SLC30A5: variants seen among roughly 807,000 people sequenced by gnomAD.
SLC30A5 encodes proton-coupled zinc antiporter SLC30A5.
Under a neutral mutation model 79.6 loss-of-function variants are expected in SLC30A5, and 33 were observed. The ratio of observed to expected loss-of-function variants is 0.41; its 90% CI spans 0.31 to 0.55. The LOEUF (loss-of-function observed/expected upper bound fraction) is 0.55, where lower values mean the gene tolerates loss of function less well. Ranked by LOEUF, SLC30A5 falls within the 20% of genes least tolerant of loss-of-function variation. SLC30A5 has a pLI of 0.20. For missense variants in SLC30A5, 788 were observed against 928.1 expected, an observed-to-expected ratio of 0.85 and a Z score of 1.96; for synonymous variants, 299 against 319.7, an observed-to-expected ratio of 0.94 and a Z score of 0.69.
chr5:69,110,594 G>A (rs982490785), intron 5 of SLC30A5, among the ~76,000 whole-genome samples: 1 of 152,100 alleles, frequency 6.6e-6, no homozygotes, highest in African/African-American at 2.4e-5. Context: ...ATAGACATTT[G>A]TAAAAACATA....
In SLC30A5 at chr5:69,128,057, T is replaced by C. The variant is rs368902739; in HGVS notation, c.2052T>C (p.His684=). The change falls in exon 15 of 16, where the codon CAT becomes CAC. Residue 684 remains histidine, a synonymous_variant. Coordinates refer to ENST00000396591, the MANE Select transcript of SLC30A5 (RefSeq NM_022902.5). ...ACCGAGACCCTCATTTTTGGCGTCATTCTGCTAGTATTGTGGCAGGAACAA... is the reference window on the plus strand; with the variant it reads ...ACCGAGACCCTCATTTTTGGCGTCACTCTGCTAGTATTGTGGCAGGAACAA... ...ISYRDPHFWR[H]SASIVAGTIH... 2.5e-6 allele frequency: 4 copies of C among 1,612,248 alleles called. No homozygotes were observed. In the African/African-American group the frequency reaches 4.0e-5, roughly 16 times the overall value.
intron 10 of SLC30A5, among the ~76,000 whole-genome samples, 196 bp from the exon 11 acceptor site, chr5:69,117,043 A>G (rs1190384556): frequency 1.3e-5 from 2 of 152,228 alleles, no homozygotes; most frequent in African/African-American, 2.4e-5. Context: ...GTTTTTTACA[A>G]TTTAATAGTT....
chr5:69,126,217 ATCT>A (rs1746683897), intron 14 of SLC30A5, among the ~76,000 whole-genome samples: 1 of 152,230 alleles, frequency 6.6e-6, no homozygotes, highest in South Asian at 2.1e-4. Context: ...AAGTTCTATC[ATCT>A]TAACCCATTG....
intron 15 of SLC30A5, among the ~76,000 whole-genome samples, chr5:69,128,652 T>G (rs1434570766): frequency 6.6e-6 from 1 of 152,206 alleles, no homozygotes; most frequent in Non-Finnish European, 1.5e-5. Context: ...TGAAGTTTTG[T>G]GTTTAGAGGA....
At chr5:69,123,514 T>A in intron 14 of SLC30A5, 89 bp downstream of exon 14, 1 of 1,003,066 alleles carries the variant, frequency 1.0e-6, no homozygotes, top group Non-Finnish European at 1.5e-6. Flanking sequence ...ACCAAATAAA[T>A]AATAAAACAA....
rs142546554 is a variant in SLC30A5 at position 69,115,331 on chromosome 5, G to T, written c.707G>T (p.Arg236Leu). The T allele has an allele frequency of 3.1e-6, 5 of 1,613,910 alleles. No individual in the cohort carries two copies. In the African/African-American group the frequency reaches 4.0e-5, roughly 13 times the overall value. The change falls in exon 8 of 16, where the codon CGT (arginine) becomes CTT (leucine). Residue 236 changes from arginine (R) to leucine (L), a missense_variant. Arg to Leu is a moderately radical substitution (Grantham distance 102). Coordinates refer to ENST00000396591, the MANE Select transcript of SLC30A5 (RefSeq NM_022902.5). ...TCTGTCGACGTTGGTGGAGCTAAACGTCTTCAAGCTTTATCTCATCTTGTT... is the reference window on the plus strand; with the variant it reads ...TCTGTCGACGTTGGTGGAGCTAAACTTCTTCAAGCTTTATCTCATCTTGTT... The part of the protein sequence containing the change: ...KLSVDVGGAK[R>L]LQALSHLVSV...
At chr5:69,097,206 C>T (rs529500156) in intron 1 of SLC30A5, among the ~76,000 whole-genome samples, 14 of 147,772 alleles carry the variant, frequency 9.5e-5, no homozygotes, top group African/African-American at 3.3e-4. Context: ...AGCTCCGCCT[C>T]CCGGATTCGC....
In SLC30A5 at chr5:69,103,068, AT is replaced by A; in HGVS notation, c.219del (p.Phe73LeufsTer47). ...AATGTTTCAATATTTACAGGACTGC[AT>A]TTTTTATGGTTTTGTTTCAAAAGCC... ...FIFILKLGTA[F>X]FMVLFQKPFS... On this transcript the variant is annotated frameshift_variant, in exon 3 of 16. Transcript: ENST00000396591. LOFTEE classifies it high-confidence loss of function. 6 of 1,543,328 alleles carry A rather than the reference AT, an allele frequency of 3.9e-6. No individual in the cohort carries two copies. Among genetic ancestry groups the A allele is most frequent in the Non-Finnish European group, 5.4e-6 (6 of 1,120,364 alleles).
chr5:69,120,523 G>A (rs948286843), intron 12 of SLC30A5, among the ~76,000 whole-genome samples: 13 of 152,100 alleles, frequency 8.5e-5, no homozygotes, highest in Non-Finnish European at 1.0e-4. Flanking sequence ...AGAATTATAG[G>A]GGACTTTCAT....
In SLC30A5 at chr5:69,116,776, T is replaced by C. The variant is rs945778305; in HGVS notation, c.1281+174T>C. Among the ~76,000 whole-genome samples the C allele has an allele frequency of 6.6e-6, 1 of 152,204 alleles. No individual in the cohort carries two copies. Among genetic ancestry groups the C allele is most frequent in the Non-Finnish European group, 1.5e-5 (1 of 68,038 alleles). On this transcript the variant is annotated intron_variant, in intron 10 of 15. Coordinates refer to ENST00000396591, the MANE Select transcript of SLC30A5 (RefSeq NM_022902.5). The surrounding 1 kb of genome is among the most constrained non-coding windows in gnomAD (Gnocchi z 4.0). ...GATCATATTCAGATTCCTTAGGCAA[T>C]CCTTAAGGCATGTGCCACCGTGCCC...
rs113983035 is a variant in SLC30A5 at position 69,127,514 on chromosome 5, C to T, written c.1999-490C>T. On this transcript the variant is annotated intron_variant, in intron 14 of 15. Coordinates refer to ENST00000396591, the MANE Select transcript of SLC30A5 (RefSeq NM_022902.5). ...AAAAAAATTTAGCCAGGCGTGGTGG[C>T]GTGCACCCGTAGTCAGCTACTTGGG... is the stretch of plus-strand genomic sequence containing the variant. Among the ~76,000 whole-genome samples the T allele has an allele frequency of 2.4e-4, 36 of 150,128 alleles. No individual in the cohort carries two copies. In the East Asian group the frequency reaches 2.9e-3, roughly 12 times the overall value.
At chr5:69,120,008 AC>A (rs1746492143) in intron 12 of SLC30A5, among the ~76,000 whole-genome samples, 1 of 120,004 alleles carries the variant, frequency 8.3e-6, no homozygotes, top group African/African-American at 3.2e-5. Flanking sequence ...TGATAGAGAG[AC>A]TCTGCCTCAA....
chr5:69,127,426 C>T (rs558004602), intron 14 of SLC30A5, among the ~76,000 whole-genome samples: 2 of 144,054 alleles, frequency 1.4e-5, no homozygotes, highest in South Asian at 2.2e-4. Context: ...CTCAGGAGTT[C>T]GAGACCAGCC....
chr5:69,126,812 T>TAC (rs1746708814), intron 14 of SLC30A5, among the ~76,000 whole-genome samples: 1 of 147,870 alleles, frequency 6.8e-6, no homozygotes, highest in Non-Finnish European at 1.5e-5. Flanking sequence ...AACAACAAAA[T>TAC]ATATATATAT....
At chr5:69,118,428 C>T in intron 11 of SLC30A5, 71 bp from the exon 12 acceptor site, 4 of 1,341,134 alleles carry the variant, frequency 3.0e-6, no homozygotes, top group East Asian at 5.6e-5. Context: ...GACTTGTTTC[C>T]TCATTTATAA....
chr5:69,096,748 G>GC (rs1745741705), intron 1 of SLC30A5, among the ~76,000 whole-genome samples: 1 of 152,060 alleles, frequency 6.6e-6, no homozygotes, highest in African/African-American at 2.4e-5. Context: ...GATCACTTGA[G>GC]CCCTAGAGTT....
At chr5:69,095,300 A>G (rs1182878615) in intron 1 of SLC30A5, among the ~76,000 whole-genome samples, 4 of 145,516 alleles carry the variant, frequency 2.7e-5, no homozygotes, top group African/African-American at 1.0e-4. Context: ...TCCCGGGTTC[A>G]AAAGATTCTC....
chr5:69,128,354 C>G (rs1208468733), intron 15 of SLC30A5, among the ~76,000 whole-genome samples: 4 of 149,224 alleles, frequency 2.7e-5, no homozygotes, highest in Non-Finnish European at 5.9e-5. Context: ...TGGGTTCAAG[C>G]AGTCTCCCTG....
chr5:69,121,123 C>A (rs943472581), intron 12 of SLC30A5, among the ~76,000 whole-genome samples: 1 of 152,008 alleles, frequency 6.6e-6, no homozygotes, highest in Non-Finnish European at 1.5e-5. Flanking sequence ...CAACATAGAC[C>A]CTGTCTCTAC....
Sources: allele counts gnomAD v4.1 joint callset (sites outside exome capture counted in the v4.1 genomes callset), GRCh38; gene constraint gnomAD v4.1.1; non-coding constraint Gnocchi (gnomAD v3.1); transcripts MANE v1.5; gene names NCBI Gene and HGNC (gene_info 2026-07-23, HGNC 2026-07-21).